The following RPL4 variants were observed in gnomAD, a reference collection of about 807,000 sequenced individuals.
RPL4 encodes large ribosomal subunit protein uL4.
Under a neutral mutation model 47.7 loss-of-function variants are expected in RPL4, and 3 were observed. That is an observed-to-expected ratio of 0.06 (90% confidence interval 0.03 to 0.16). RPL4 has a LOEUF of 0.16. Ranked by LOEUF, RPL4 falls within the 10% of genes least tolerant of loss-of-function variation. RPL4 has a pLI of 1.00. For synonymous variants in RPL4, 208 were observed against 182.1 expected (o/e 1.14, Z -1.15); for missense variants, 413 against 551.3 (o/e 0.75, Z 2.51).
At chr15:66,503,212 C>A (rs771747807) in intron 2 of RPL4, 48 bp from the exon 3 acceptor site, 9 of 1,593,410 alleles carry the variant, frequency 5.6e-6, no homozygotes, top group Admixed American at 3.3e-5. Flanking sequence ...TCATACATAC[C>A]AACCCATGAC....
intron 4 of RPL4, chr15:66,502,182 CCA>C: frequency 7.3e-6 from 4 of 551,318 alleles, no homozygotes; most frequent in Non-Finnish European, 1.3e-5. Context: ...GAATAGTTCC[CCA>C]GTTACGCTAG....
chr15:66,500,323 G>T lies in RPL4; in HGVS notation c.887C>A (p.Pro296Gln). Residue 296 changes from proline (P) to glutamine (Q), a missense_variant, in exon 8 of 10, where the codon CCA (proline) becomes CAA (glutamine). Pro to Gln is a moderately conservative substitution (Grantham distance 76, BLOSUM62 -1). Around this residue, in one of 4 missense-constraint regions of RPL4, gnomAD observed 214 missense variants for 304.2 expected, o/e 0.70. Coordinates refer to ENST00000307961, the MANE Select transcript of RPL4 (RefSeq NM_000968.4). ...NTDLSRILKS[P>Q]EIQRALRAPR... ...TGCTCGAAGGGCTCTTTGGATCTCTGGGCTTTTCAAGATTCTGCTAAGATC... is the reference window on the plus strand; with the variant it reads ...TGCTCGAAGGGCTCTTTGGATCTCTTGGCTTTTCAAGATTCTGCTAAGATC... 1 of 1,614,096 alleles carries T rather than the reference G, an allele frequency of 6.2e-7. No homozygotes were observed. Among genetic ancestry groups the T allele is most frequent in the Non-Finnish European group, 8.5e-7 (1 of 1,180,004 alleles).
intron 8 of RPL4, 53 bp downstream of exon 8, chr15:66,500,240 A>G (rs1366513361): frequency 1.2e-6 from 2 of 1,613,286 alleles, no homozygotes; most frequent in African/African-American, 1.3e-5. Context: ...AATTTTTGAA[A>G]CAACCAATAG....
chr15:66,499,554 A>G lies in RPL4; in HGVS notation c.1137T>C (p.Gly379=). 6.2e-7 allele frequency: 1 copy of G among 1,613,314 alleles called. No homozygotes were observed. The highest frequency in any genetic ancestry group is 1.1e-5 in the South Asian group (1 of 91,036). Residue 379 remains glycine, a synonymous_variant, in exon 10 of 10, where the codon GGT becomes GGC. Coordinates refer to ENST00000307961, the MANE Select transcript of RPL4 (RefSeq NM_000968.4). ...AAVAGKKPVV[G]KKGKKAAVGV... ...CAACAGCAGCCTTCTTTCCTTTCTT[A>G]CCTACCACAGGCTTCTTGCCTGCAA...
chr15:66,502,523 G>A, intron 4 of RPL4, 89 bp downstream of exon 4: 2 of 1,366,508 alleles, frequency 1.5e-6, no homozygotes, highest in Non-Finnish European at 2.0e-6. Flanking sequence ...ATCTTGAAAT[G>A]GGTTACTGTG....
At position 66,501,365 on chromosome 15, in the gene RPL4, G is replaced by C; in HGVS notation, c.676+10C>G. On this transcript the variant is annotated intron_variant, in intron 6 of 9. Transcript: ENST00000307961. Reference sequence around the variant, plus strand: ...TATACCTAGTCAATATATGTAAGCAGTTTAATTACCAGGGATGTTTCTGAA... The same window carrying C: ...TATACCTAGTCAATATATGTAAGCACTTTAATTACCAGGGATGTTTCTGAA... 6.2e-7 allele frequency: 1 copy of C among 1,614,124 alleles called. No individual in the cohort carries two copies. The highest frequency in any genetic ancestry group is 1.7e-4 in the Middle Eastern group (1 of 6,060).
In RPL4 at chr15:66,499,606, T is replaced by C; in HGVS notation, c.1085A>G (p.Gln362Arg). ...CGCCGCCTTCTCATCTGATTTGGCT[T>C]GTAGTGCCGCTGCTGCAGCAGCTGC... ...DKAAAAAAALQAKSDEKAAVA... is the reference protein window; with the variant it reads ...DKAAAAAAALRAKSDEKAAVA... The change falls in exon 10 of 10, where the codon CAA becomes CGA. Residue 362 changes from glutamine to arginine, a missense_variant. Coordinates refer to ENST00000307961, the MANE Select transcript of RPL4 (RefSeq NM_000968.4). The C allele has an allele frequency of 6.2e-7, 1 of 1,614,022 alleles. No individual in the cohort carries two copies. The highest frequency in any genetic ancestry group is 8.5e-7 in the Non-Finnish European group (1 of 1,179,870).
intron 1 of RPL4, among the ~76,000 whole-genome samples, chr15:66,504,305 T>TC (rs1893700422): frequency 6.6e-6 from 1 of 152,050 alleles, no homozygotes; most frequent in Admixed American, 6.6e-5. Context: ...TTCGCTTAAC[T>TC]CCCCCGGCAC....
At chr15:66,499,689 T>C (rs2140711509) in intron 9 of RPL4, 37 bp from the exon 10 acceptor site, 3 of 1,610,984 alleles carry the variant, frequency 1.9e-6, no homozygotes, top group Middle Eastern at 3.3e-4. Context: ...AAGAATCAAA[T>C]CCCTGTAAGA....
chr15:66,499,945 C>T (rs943645550), intron 9 of RPL4, 111 bp downstream of exon 9: 4 of 1,341,802 alleles, frequency 3.0e-6, no homozygotes, highest in South Asian at 2.7e-5. Flanking sequence ...ACTGCTTGAA[C>T]TTGGTAGGTG....
At position 66,504,799 on chromosome 15, in the gene RPL4, G is replaced by C; in HGVS notation, c.-9C>G. 3.1e-6 allele frequency: 5 copies of C among 1,611,890 alleles called. No homozygotes were observed. Among genetic ancestry groups the C allele is most frequent in the Non-Finnish European group, 4.2e-6 (5 of 1,179,414 alleles). The stretch of plus-strand genomic sequence containing the variant: ...GAACTTCCACTCACCATGGCGGAGA[G>C]AGGAGACAGCCACGCTCCTCTCAGC... On this transcript the variant is annotated 5_prime_UTR_variant, in exon 1 of 10. Coordinates refer to ENST00000307961, the MANE Select transcript of RPL4 (RefSeq NM_000968.4).
chr15:66,500,256 G>C (rs1163037227), intron 8 of RPL4, 37 bp downstream of exon 8: 2 of 1,613,782 alleles, frequency 1.2e-6, no homozygotes, highest in Non-Finnish European at 1.7e-6. Context: ...AATAGTATAG[G>C]GTTGGGGCGA....
At position 66,499,236 on chromosome 15, in the gene RPL4, A is replaced by G; in HGVS notation, c.*171T>C. The G allele has an allele frequency of 1.3e-6, 1 of 743,346 alleles. No homozygotes were observed. Among genetic ancestry groups the G allele is most frequent in the South Asian group, 1.8e-5 (1 of 55,232 alleles). The allele number at this position is 743,346 out of a possible 1,614,324, so 46.0% of individuals were successfully genotyped here. A position where few individuals can be genotyped will look rare whatever the true frequency, so the allele number is the denominator to read the frequency against. On this transcript the variant is annotated 3_prime_UTR_variant, in exon 10 of 10. Transcript: ENST00000307961. ...TGCCCCATTTTATACCACACTATAT[A>G]AAATGTAACAGTCTAAATTATGGCC... is the stretch of plus-strand genomic sequence containing the variant.
rs1393171801 is a variant in RPL4, at chr15:66,499,605, T to G, written c.1086A>C (p.Gln362His). The change falls in exon 10 of 10, where the codon CAA becomes CAC. Residue 362 changes from glutamine to histidine, a missense_variant. Physicochemically the swap from Gln to His is conservative, Grantham distance 24. Coordinates refer to ENST00000307961, the MANE Select transcript of RPL4 (RefSeq NM_000968.4). ...DKAAAAAAALQAKSDEKAAVA... is the reference protein window; with the variant it reads ...DKAAAAAAALHAKSDEKAAVA... ...CCGCCGCCTTCTCATCTGATTTGGC[T>G]TGTAGTGCCGCTGCTGCAGCAGCTG... 8 of 1,613,896 alleles carry G rather than the reference T, an allele frequency of 5.0e-6. No homozygotes were observed. In the African/African-American group the frequency reaches 1.1e-4, roughly 22 times the overall value.
Position 66,498,984 on chromosome 15 carries a change from CAG to C in RPL4, c.*421_*422del, listed in dbSNP as rs1309039658. On this transcript the variant is annotated 3_prime_UTR_variant, in exon 10 of 10. Coordinates refer to ENST00000307961, the MANE Select transcript of RPL4 (RefSeq NM_000968.4). ...TCTCAAGAGGTAATCAATTTTACTGCAGTACCAAAAAAATTGTGCTCTCCAGT... is the reference window on the plus strand; with the variant it reads ...TCTCAAGAGGTAATCAATTTTACTGCTACCAAAAAAATTGTGCTCTCCAGT... 7.1e-5 allele frequency: 12 copies of C among 167,998 alleles called. No homozygotes were observed. Among genetic ancestry groups the C allele is most frequent in the African/African-American group, 2.9e-4 (12 of 41,664 alleles). The allele number at this position is 167,998 out of a possible 1,614,324, so 10.4% of individuals were successfully genotyped here.
chr15:66,504,777 C>T lies in RPL4; in HGVS notation c.3+11G>A. ...TACGGGGTAAGGCCAGCCAAGAGAA[C>T]TTCCACTCACCATGGCGGAGAGAGG... is the stretch of plus-strand genomic sequence containing the variant. On this transcript the variant is annotated intron_variant, in intron 1 of 9. Transcript: ENST00000307961. The T allele has an allele frequency of 6.2e-7, 1 of 1,612,272 alleles. No homozygotes were observed. Among genetic ancestry groups the T allele is most frequent in the South Asian group, 1.1e-5 (1 of 90,712 alleles).
rs749912850 is a variant in RPL4 at position 66,500,087 on chromosome 15, C to T, written c.1007G>A (p.Arg336His). 5.6e-6 allele frequency: 9 copies of T among 1,612,026 alleles called. No individual in the cohort carries two copies. Among genetic ancestry groups the T allele is most frequent in the East Asian group, 2.2e-5 (1 of 44,900 alleles). ...GGCCTGGCGAAGAATGGTGTTCCGG[C>T]GCATGGTCTTTGCATATGGGTTTAG... is the stretch of plus-strand genomic sequence containing the variant. ...LKLNPYAKTMRRNTILRQARN... is the reference protein window; with the variant it reads ...LKLNPYAKTMHRNTILRQARN... Residue 336 changes from arginine to histidine, a missense_variant, in exon 9 of 10, where the codon CGC becomes CAC. Physicochemically the swap from Arg to His is conservative, Grantham distance 29 (BLOSUM62 0). This residue lies in a region of RPL4 where 134 missense variants were observed against 122.7 expected (regional missense o/e 1.09). Transcript: ENST00000307961.
intron 7 of RPL4, 73 bp from the exon 8 acceptor site, chr15:66,500,449 A>C: frequency 7.7e-7 from 1 of 1,305,312 alleles, no homozygotes. Context: ...CTGAAGCTTT[A>C]TTTTTAGCCA....
At position 66,502,447 on chromosome 15, in the gene RPL4, G is replaced by A. The variant is rs1893639900; in HGVS notation, c.421+165C>T. On this transcript the variant is annotated intron_variant, in intron 4 of 9. Coordinates refer to ENST00000307961, the MANE Select transcript of RPL4 (RefSeq NM_000968.4). Reference sequence around the variant, plus strand: ...ACTCATTTGTCAAGATCAAATCAGTGTAACTGGAATATCCATGAACTAAAA... The same window carrying A: ...ACTCATTTGTCAAGATCAAATCAGTATAACTGGAATATCCATGAACTAAAA... 5.5e-6 allele frequency: 4 copies of A among 724,112 alleles called. No individual in the cohort carries two copies. In the South Asian group the frequency reaches 8.5e-5, roughly 15 times the overall value. The allele number at this position is 724,112 out of a possible 1,614,324, so 44.9% of individuals were successfully genotyped here.
Sources: allele counts gnomAD v4.1 joint callset (sites outside exome capture counted in the v4.1 genomes callset), GRCh38; gene constraint gnomAD v4.1.1; regional missense constraint gnomAD v4.1.1; transcripts MANE v1.5; gene names NCBI Gene and HGNC (gene_info 2026-07-23, HGNC 2026-07-21).